WHRN: variants seen among roughly 807,000 people sequenced by gnomAD.
The protein encoded by WHRN is whirlin, also known as CASK-interacting protein CIP98.
In WHRN, 41 loss-of-function variants were observed where a neutral mutation model predicts 68.3. The ratio of observed to expected loss-of-function variants is 0.60; its 90% confidence interval spans 0.47 to 0.78. WHRN has a LOEUF of 0.78. WHRN is among the 30% of genes least tolerant of loss of function. WHRN has a pLI of 0.00. For missense variants in WHRN, 1,243 were observed against 1,244.7 expected (o/e 1.00, Z 0.02); for synonymous variants, 560 against 561.3 (o/e 1.00, Z 0.03).
chr9:114,403,468 G>T, intron 10 of WHRN, 129 bp from the exon 11 acceptor site: 1 of 1,236,480 alleles, frequency 8.1e-7, no homozygotes, highest in Non-Finnish European at 1.2e-6. Context: ...GGGAGCCTCA[G>T]GTGTGCAACG....
At chr9:114,494,316 T>C (rs1439893263) in intron 1 of WHRN, among the ~76,000 whole-genome samples, 2 of 152,232 alleles carry the variant, frequency 1.3e-5, no homozygotes, top group Non-Finnish European at 2.9e-5. Flanking sequence ...ACATGGTAAA[T>C]GATCATCAAA....
At chr9:114,460,183 C>T (rs553530138) in intron 3 of WHRN, among the ~76,000 whole-genome samples, 3 of 152,286 alleles carry the variant, frequency 2.0e-5, no homozygotes, top group Non-Finnish European at 4.4e-5. Flanking sequence ...CTCTCTGCAG[C>T]CTTTTGATAT....
chr9:114,406,700 C>A lies in WHRN; in HGVS notation c.1891G>T (p.Ala631Ser). ...FSAPQNRSPP[A>S]GTAPTPGTSS... ...GTCCCTGGGGTGGGTGCGGTGCCCG[C>A]TGGCGGGCTGCGGTTCTGTGGAGCC... The change falls in exon 9 of 12, where the codon GCG (alanine) becomes TCG (serine). Residue 631 changes from alanine to serine, a missense_variant. Physicochemically the swap from Ala to Ser is moderately conservative, Grantham distance 99. Transcript: ENST00000362057. 1.2e-6 allele frequency: 2 copies of A among 1,614,074 alleles called. No homozygotes were observed. The highest frequency in any genetic ancestry group is 1.7e-6 in the Non-Finnish European group (2 of 1,180,018).
At chr9:114,425,858 C>T (rs977457833) in intron 4 of WHRN, 3 of 374,114 alleles carry the variant, frequency 8.0e-6, no homozygotes, top group African/African-American at 6.3e-5. Flanking sequence ...CCCAAAGCAT[C>T]TCTCTCTTTC....
intron 9 of WHRN, 30 bp from the exon 10 acceptor site, chr9:114,404,107 GCT>G (rs763874127): frequency 6.2e-7 from 1 of 1,605,744 alleles, no homozygotes; most frequent in South Asian, 1.1e-5. Context: ...GAGAGAAGCA[GCT>G]TATATAGCTG....
chr9:114,471,898 G>C (rs909673261), intron 2 of WHRN, among the ~76,000 whole-genome samples: 1 of 152,206 alleles, frequency 6.6e-6, no homozygotes, highest in Non-Finnish European at 1.5e-5. Context: ...GGTTGTGAGA[G>C]GCTGTGATGG....
chr9:114,406,938 G>T (rs1451094656), intron 8 of WHRN, 46 bp from the exon 9 acceptor site: 5 of 1,547,882 alleles, frequency 3.2e-6, no homozygotes, highest in Non-Finnish European at 1.7e-6. Flanking sequence ...ACCCCATCAC[G>T]CCTGGAAGAG....
chr9:114,427,280 A>G (rs960590555), intron 3 of WHRN, among the ~76,000 whole-genome samples: 4 of 152,242 alleles, frequency 2.6e-5, no homozygotes, highest in African/African-American at 9.6e-5. Context: ...CTTTTAATGA[A>G]GGAATGTAAA....
chr9:114,446,877 C>A (rs1256965503), intron 3 of WHRN, among the ~76,000 whole-genome samples: 1 of 152,074 alleles, frequency 6.6e-6, no homozygotes, highest in Non-Finnish European at 1.5e-5. Context: ...GCTGTTGGAG[C>A]ATGTCTCCTT....
chr9:114,472,950 C>T (rs1841360532), intron 2 of WHRN, among the ~76,000 whole-genome samples: 1 of 152,230 alleles, frequency 6.6e-6, no homozygotes, highest in Non-Finnish European at 1.5e-5. Flanking sequence ...CAAGGTCACA[C>T]AGTCACGAAG....
intron 1 of WHRN, chr9:114,503,843 T>C (rs150845016): frequency 1.1e-3 from 328 of 293,168 alleles, no homozygotes; most frequent in Non-Finnish European, 1.8e-3. Context: ...GGCCACCTAA[T>C]TATGCCAAGC....
intron 3 of WHRN, among the ~76,000 whole-genome samples, chr9:114,442,442 G>A (rs1050066711): frequency 3.3e-5 from 5 of 152,214 alleles, no homozygotes; most frequent in African/African-American, 1.2e-4. Flanking sequence ...CTTTAGACGG[G>A]AGAAGAGAAA....
In WHRN at chr9:114,504,132, G is replaced by A. The variant is rs1844175626; in HGVS notation, c.618+52C>T. On this transcript the variant is annotated intron_variant, in intron 1 of 11. Coordinates refer to ENST00000362057, the MANE Select transcript of WHRN (RefSeq NM_015404.4). ...ACAGCATGGAGTTACTGAAAAAGCT[G>A]TGCCACTCTGTCCATACTCTGCCCC... 6 of 1,612,554 alleles carry A rather than the reference G, an allele frequency of 3.7e-6. 1 individual carries two copies. The South Asian group carries it at 6.6e-5, about 18-fold the overall frequency.
chr9:114,438,372 T>C (rs1214704496), intron 3 of WHRN, among the ~76,000 whole-genome samples: 2 of 152,072 alleles, frequency 1.3e-5, no homozygotes, highest in Non-Finnish European at 2.9e-5. Flanking sequence ...CCGTCAGCTA[T>C]GGAGAAACAG....
intron 3 of WHRN, among the ~76,000 whole-genome samples, chr9:114,457,404 AAAAT>A (rs1323350335): frequency 6.6e-6 from 1 of 152,314 alleles, no homozygotes; most frequent in East Asian, 1.9e-4. Flanking sequence ...AAAGGAGAAT[AAAAT>A]AAGCATCCAT....
At chr9:114,440,906 T>C (rs1037155225) in intron 3 of WHRN, among the ~76,000 whole-genome samples, 1 of 152,146 alleles carries the variant, frequency 6.6e-6, no homozygotes. Context: ...CACCATAGGA[T>C]CCCTATGAAG....
intron 3 of WHRN, among the ~76,000 whole-genome samples, chr9:114,456,595 A>C (rs1310811945): frequency 6.6e-6 from 1 of 152,112 alleles, no homozygotes; most frequent in Non-Finnish European, 1.5e-5. Context: ...TGGGAGGCTG[A>C]GGTGGGCGAA....
Position 114,409,240 on chromosome 9 carries a change from C to T in WHRN, c.1627-1222G>A, listed in dbSNP as rs1049272568. Among the ~76,000 whole-genome samples the T allele has an allele frequency of 7.4e-5, 9 of 120,852 alleles. 1 individual carries two copies. Among genetic ancestry groups the T allele is most frequent in the South Asian group, 6.0e-4 (2 of 3,344 alleles). 79.3% of individuals were successfully genotyped at this position (120,852 alleles called of 152,430 possible). A position where few individuals can be genotyped will look rare whatever the true frequency, so the allele number is the denominator to read the frequency against. ...CCAGGCTGATAAGGGGCTGGGGACA[C>T]AGAGGTGGGACACCAACCCTGCCAT... On this transcript the variant is annotated intron_variant, in intron 7 of 11. Transcript: ENST00000362057.
At chr9:114,407,900 T>C (rs375329022) in intron 8 of WHRN, 47 bp downstream of exon 8, 1 of 1,520,056 alleles carries the variant, frequency 6.6e-7, no homozygotes, top group Admixed American at 1.9e-5. Flanking sequence ...CACCAGGACC[T>C]GAGCACACCA....
Sources: gnomAD v4.1 joint callset for allele counts (sites outside exome capture counted in the v4.1 genomes callset) on GRCh38, gnomAD v4.1.1 for gene constraint, MANE v1.5 for transcripts, NCBI Gene and HGNC (gene_info 2026-07-23, HGNC 2026-07-21) for gene names.